Variants in TRDN observed in about 807,000 individuals in gnomAD.
TRDN encodes the protein triadin in skeletal muscle.
TRDN carries 161 observed loss-of-function variants against 149.7 expected under a neutral mutation model. The ratio of observed to expected loss-of-function variants is 1.08; its 90% CI spans 0.95 to 1.23. The LOEUF is 1.23. Among genes scored for constraint, TRDN ranks in the 50% most tolerant of loss-of-function variants. The pLI, the probability that TRDN is intolerant of heterozygous loss-of-function variation, is 0.00. For synonymous variants in TRDN, 294 were observed against 250.5 expected, an observed-to-expected ratio of 1.17 and a Z score of -1.64; for missense variants, 896 against 823.5, an observed-to-expected ratio of 1.09 and a Z score of -1.08.
At chr6:123,560,837 T>C (rs901329765) in intron 2 of TRDN, among the ~76,000 whole-genome samples, 12 of 152,210 alleles carry the variant, frequency 7.9e-5, no homozygotes, top group Admixed American at 5.9e-4. Context: ...CCATGTAGGT[T>C]ACAAGCCACT....
chr6:123,241,338 T>C (rs1037632516), intron 38 of TRDN, among the ~76,000 whole-genome samples: 3 of 151,314 alleles, frequency 2.0e-5, no homozygotes, highest in African/African-American at 7.2e-5. Flanking sequence ...CATTTCACAG[T>C]TTTCTTTTCA....
intron 35 of TRDN, among the ~76,000 whole-genome samples, chr6:123,256,502 T>C (rs1310520399): frequency 1.3e-5 from 2 of 152,206 alleles, no homozygotes; most frequent in Admixed American, 1.3e-4. Context: ...TGTTGTTTCC[T>C]GACTTTTTAA....
At chr6:123,599,971 T>C (rs1324803051) in intron 1 of TRDN, among the ~76,000 whole-genome samples, 1 of 151,908 alleles carries the variant, frequency 6.6e-6, no homozygotes, top group Admixed American at 6.6e-5. Flanking sequence ...TATATTGCAA[T>C]TGCCTGTTTA....
intron 9 of TRDN, among the ~76,000 whole-genome samples, chr6:123,483,675 C>T (rs755670679): frequency 4.1e-4 from 63 of 152,240 alleles, no homozygotes; most frequent in Non-Finnish European, 8.4e-4. Context: ...CTATTTTTCT[C>T]CCACAGCTGC....
chr6:123,540,914 T>C (rs970851172), intron 4 of TRDN, among the ~76,000 whole-genome samples: 2 of 152,242 alleles, frequency 1.3e-5, no homozygotes, highest in Non-Finnish European at 2.9e-5. Context: ...CTTTCTGTTA[T>C]GCTTTTTTTG....
In TRDN at chr6:123,256,007, G is replaced by A. The variant is rs916685061; in HGVS notation, c.1871-105C>T. The A allele has an allele frequency of 7.4e-6, 4 of 539,498 alleles. 1 individual carries two copies. Among genetic ancestry groups the A allele is most frequent in the Non-Finnish European group, 1.1e-5 (4 of 369,818 alleles). 33.4% of individuals were successfully genotyped at this position (539,498 alleles called of 1,614,324 possible). A position where few individuals can be genotyped will look rare whatever the true frequency, so the allele number is the denominator to read the frequency against. ...CAGAACATGCAGGTTTGTTACATAG[G>A]TATACATGTGTCATGGTGGTTTGCT... On this transcript the variant is annotated intron_variant, in intron 35 of 40. Transcript: ENST00000334268.
chr6:123,526,393 G>A (rs1779950735), intron 5 of TRDN, among the ~76,000 whole-genome samples: 1 of 151,904 alleles, frequency 6.6e-6, no homozygotes, highest in South Asian at 2.1e-4. Context: ...AGATCCTATG[G>A]CTATGAGCAA....
intron 22 of TRDN, among the ~76,000 whole-genome samples, chr6:123,332,337 A>G (rs1169599132): frequency 6.6e-6 from 1 of 152,062 alleles, no homozygotes; most frequent in African/African-American, 2.4e-5. Context: ...ACCAAATAGA[A>G]AATCCTGCAC....
chr6:123,223,669 A>ACTTC (rs1554214177), intron 39 of TRDN, among the ~76,000 whole-genome samples: 55 of 108,366 alleles, frequency 5.1e-4, no homozygotes, highest in African/African-American at 1.6e-3. Context: ...CCAGCCTTCC[A>ACTTC]TTTCTTCCTT....
At chr6:123,587,867 T>C (rs113478855) in intron 1 of TRDN, among the ~76,000 whole-genome samples, 18,629 of 152,008 alleles carry the variant, frequency 0.12, 1,244 homozygotes, top group African/African-American at 0.17. Flanking sequence ...CAAGACAATG[T>C]CATCAGTTAA....
chr6:123,599,866 G>T (rs1254669012), intron 1 of TRDN, among the ~76,000 whole-genome samples: 1 of 151,642 alleles, frequency 6.6e-6, no homozygotes, highest in African/African-American at 2.4e-5. Flanking sequence ...TCAAGCTTCA[G>T]TTCTTTCAGG....
intron 1 of TRDN, among the ~76,000 whole-genome samples, chr6:123,579,728 T>A (rs1338307704): frequency 6.6e-6 from 1 of 152,178 alleles, no homozygotes. Context: ...CATCTTAAAT[T>A]GTAATCCCTA....
chr6:123,625,643 A>G (rs1441324475), intron 1 of TRDN, among the ~76,000 whole-genome samples: 1 of 152,182 alleles, frequency 6.6e-6, no homozygotes, highest in African/African-American at 2.4e-5. Context: ...GCTTGAGGTC[A>G]TGGATACCCC....
chr6:123,233,887 C>A (rs1481896663), intron 38 of TRDN, among the ~76,000 whole-genome samples: 3 of 151,364 alleles, frequency 2.0e-5, no homozygotes, highest in African/African-American at 4.9e-5. Context: ...AGGGGAGTAA[C>A]CCATTGTCAT....
chr6:123,356,477 C>T (rs1163548190), intron 20 of TRDN, among the ~76,000 whole-genome samples: 5 of 136,668 alleles, frequency 3.7e-5, no homozygotes, highest in Non-Finnish European at 6.2e-5. Context: ...TTTGTTTAGA[C>T]CTATGCCTCT....
chr6:123,346,583 G>T (rs955027985), intron 21 of TRDN, among the ~76,000 whole-genome samples: 2 of 151,994 alleles, frequency 1.3e-5, no homozygotes, highest in African/African-American at 4.8e-5. Context: ...ACTGTTCTTT[G>T]TGTTGTGCTT....
At chr6:123,318,658 T>C (rs774635657) in intron 23 of TRDN, among the ~76,000 whole-genome samples, 1 of 152,092 alleles carries the variant, frequency 6.6e-6, no homozygotes, top group Non-Finnish European at 1.5e-5. Flanking sequence ...CAATAATAGG[T>C]ATCTATTTGA....
rs141393840 is a variant in TRDN, at chr6:123,284,082, G to GCC, written c.1511-5002_1511-5001dup. 1.6e-3 allele frequency among the ~76,000 whole-genome samples: 174 copies of GCC among 105,484 alleles called. 1 individual carries two copies. Among genetic ancestry groups the GCC allele is most frequent in the Admixed American group, 2.2e-3 (22 of 9,906 alleles). The allele number at this position is 105,484 out of a possible 152,430, so 69.2% of individuals were successfully genotyped here. On this transcript the variant is annotated intron_variant, in intron 24 of 40. Transcript: ENST00000334268. ...AAATAAATAAAATGCACTAACTCTT[G>GCC]CCCCCCCCCCAAAAATTGGTACCAA...
intron 7 of TRDN, among the ~76,000 whole-genome samples, chr6:123,505,244 C>CAAAAAAA (rs34096424): frequency 1.3e-5 from 1 of 77,070 alleles, no homozygotes; most frequent in Non-Finnish European, 2.2e-5. Context: ...AACTCTGTCT[C>CAAAAAAA]AAAAAAAAAA....
Sources: allele counts gnomAD v4.1 joint callset (sites outside exome capture counted in the v4.1 genomes callset), GRCh38; gene constraint gnomAD v4.1.1; transcripts MANE v1.5; gene names NCBI Gene and HGNC (gene_info 2026-07-23, HGNC 2026-07-21).